PPP2R5C: variants seen among roughly 807,000 people sequenced by gnomAD.
PPP2R5C encodes the protein protein phosphatase 2 regulatory subunit B'gamma.
A neutral mutation model predicts 68.9 loss-of-function variants in PPP2R5C; 7 were observed. The ratio of observed to expected loss-of-function variants is 0.10; its 90% CI spans 0.06 to 0.19. PPP2R5C has a LOEUF of 0.19. Among genes scored for constraint, PPP2R5C ranks in the 10% least tolerant of loss-of-function variants. The pLI is 1.00. For missense variants in PPP2R5C, 348 were observed against 641.3 expected, an observed-to-expected ratio of 0.54 and a Z score of 4.94; for synonymous variants, 210 against 222.2, an observed-to-expected ratio of 0.95 and a Z score of 0.49.
intron 1 of PPP2R5C, among the ~76,000 whole-genome samples, chr14:101,830,129 T>A (rs538689209): frequency 2.0e-5 from 3 of 152,318 alleles, no homozygotes; most frequent in Admixed American, 2.0e-4. Context: ...TAGATCTAAA[T>A]AATTCCTAGA....
chr14:101,866,739 G>T (rs1393398238), intron 2 of PPP2R5C, among the ~76,000 whole-genome samples: 3 of 152,074 alleles, frequency 2.0e-5, no homozygotes, highest in African/African-American at 7.2e-5. Flanking sequence ...GGTGTCTTTG[G>T]GTGGTATCAT....
Position 101,906,889 on chromosome 14 carries a change from A to C in PPP2R5C, c.1151+360A>C, listed in dbSNP as rs151069590. 6.6e-6 allele frequency among the ~76,000 whole-genome samples: 1 copy of C among 152,080 alleles called. No homozygotes were observed. Among genetic ancestry groups the C allele is most frequent in the Non-Finnish European group, 1.5e-5 (1 of 67,996 alleles). ...TGGCCACTGCATTCTCGGGGTGTCT[A>C]TTGAGCTCTGCTGACATGCACCCTG... On this transcript the variant is annotated intron_variant, in intron 10 of 13. Coordinates refer to ENST00000334743, the Ensembl canonical transcript of PPP2R5C. This position sits in a 1 kb window ranked among gnomAD's most constrained non-coding sequence, Gnocchi z 4.0.
At chr14:101,905,978 C>A (rs1404403324) in intron 9 of PPP2R5C, among the ~76,000 whole-genome samples, 1 of 152,222 alleles carries the variant, frequency 6.6e-6, no homozygotes, top group Non-Finnish European at 1.5e-5. Flanking sequence ...GTCTCCTCCC[C>A]ACTAGAATGT....
intron 10 of PPP2R5C, among the ~76,000 whole-genome samples, chr14:101,908,586 C>G (rs536474639): frequency 6.6e-6 from 1 of 152,126 alleles, no homozygotes; most frequent in African/African-American, 2.4e-5. Context: ...GTTGGCCAGG[C>G]TGGTCTTGAA....
chr14:101,801,278 G>A (rs1292910947), intron 3 of PPP2R5C, among the ~76,000 whole-genome samples: 1 of 152,132 alleles, frequency 6.6e-6, no homozygotes, highest in East Asian at 1.9e-4. Flanking sequence ...ACTCTGACCT[G>A]GTCATTACAC....
At chr14:101,770,229 G>A (rs1385061890) in intron 2 of PPP2R5C, among the ~76,000 whole-genome samples, 1 of 152,204 alleles carries the variant, frequency 6.6e-6, no homozygotes, top group Non-Finnish European at 1.5e-5. Context: ...TTTCTCAGTA[G>A]AGCATAGCTA....
chr14:101,806,826 G>T (rs113116598), upstream of PPP2R5C, among the ~76,000 whole-genome samples: 10 of 152,122 alleles, frequency 6.6e-5, no homozygotes, highest in Non-Finnish European at 1.3e-4. Flanking sequence ...AGCAGTTGTG[G>T]TGATTCAAGC....
chr14:101,841,516 C>T (rs76596910), intron 1 of PPP2R5C, among the ~76,000 whole-genome samples: 3 of 152,186 alleles, frequency 2.0e-5, no homozygotes, highest in East Asian at 3.9e-4. Context: ...GGGGCCGGCT[C>T]GTTCCGTGTC....
At chr14:101,770,509 G>T (rs940843800) in intron 2 of PPP2R5C, among the ~76,000 whole-genome samples, 1 of 152,130 alleles carries the variant, frequency 6.6e-6, no homozygotes, top group Admixed American at 6.5e-5. Flanking sequence ...TGGAGCTTTG[G>T]GTGAGAAAAT....
intron 2 of PPP2R5C, among the ~76,000 whole-genome samples, chr14:101,881,101 A>G (rs913955630): frequency 6.2e-4 from 94 of 152,212 alleles, no homozygotes; most frequent in African/African-American, 2.2e-3. Context: ...ACTTAGTATA[A>G]AAGAGGGTTG....
At chr14:101,847,940 G>A (rs1482640576) in intron 1 of PPP2R5C, among the ~76,000 whole-genome samples, 2 of 151,918 alleles carry the variant, frequency 1.3e-5, no homozygotes, top group Admixed American at 6.6e-5. Context: ...GGATTACTGC[G>A]CCACTGTGCC....
chr14:101,827,373 T>C (rs1294379660), intron 1 of PPP2R5C, among the ~76,000 whole-genome samples: 1 of 152,184 alleles, frequency 6.6e-6, no homozygotes, highest in Admixed American at 6.5e-5. Flanking sequence ...CCAGAATGCA[T>C]ACCCCAGCAT....
At position 101,836,174 on chromosome 14, in the gene PPP2R5C, G is replaced by A. The variant is rs537568499; in HGVS notation, c.95-20512G>A. The stretch of plus-strand genomic sequence containing the variant: ...AAAGGTTTTTTTTTTTGCAGTTGAG[G>A]CTGTGAAGCTGGGCAGGGTTTCAGC... On this transcript the variant is annotated intron_variant, in intron 1 of 13. Coordinates refer to ENST00000334743, the Ensembl canonical transcript of PPP2R5C. The A allele has an allele frequency of 5.5e-4, 388 of 700,922 alleles. 1 individual carries two copies. In the African/African-American group the frequency reaches 5.7e-3, roughly 10 times the overall value. The allele number at this position is 700,922 out of a possible 1,614,324, so 43.4% of individuals were successfully genotyped here.
chr14:101,772,168 A>C (rs182212362), intron 2 of PPP2R5C, among the ~76,000 whole-genome samples: 1 of 152,328 alleles, frequency 6.6e-6, no homozygotes, highest in East Asian at 1.9e-4. Flanking sequence ...AATCTTCTTA[A>C]TATGAAATAT....
intron 6 of PPP2R5C, among the ~76,000 whole-genome samples, chr14:101,892,289 C>T (rs1171000941): frequency 6.6e-6 from 1 of 151,288 alleles, no homozygotes; most frequent in Non-Finnish European, 1.5e-5. Flanking sequence ...ATCCAGCATC[C>T]ACTGGGTCTC....
chr14:101,905,583 G>A (rs1366702588), intron 9 of PPP2R5C, among the ~76,000 whole-genome samples: 2 of 151,950 alleles, frequency 1.3e-5, no homozygotes, highest in Non-Finnish European at 2.9e-5. Context: ...CTTGAACCCG[G>A]GAGGCAGAGG....
At chr14:101,819,783 G>A (rs531959646) in intron 1 of PPP2R5C, 26 of 152,400 alleles carry the variant, frequency 1.7e-4, no homozygotes, top group African/African-American at 6.3e-4. Flanking sequence ...ACCCAGCGTG[G>A]TTTTTTGTTG....
chr14:101,834,955 C>G (rs1475541329), intron 1 of PPP2R5C, among the ~76,000 whole-genome samples: 1 of 152,200 alleles, frequency 6.6e-6, no homozygotes. Flanking sequence ...TAGCTTTGCT[C>G]CACCTACTTG....
chr14:101,840,371 C>T (rs2041386270), intron 1 of PPP2R5C, among the ~76,000 whole-genome samples: 1 of 149,752 alleles, frequency 6.7e-6, no homozygotes, highest in African/African-American at 2.5e-5. Context: ...CAGCTGGTCA[C>T]GGCTAGTTAA....
Sources: allele counts gnomAD v4.1 joint callset (sites outside exome capture counted in the v4.1 genomes callset), GRCh38; gene constraint gnomAD v4.1.1; non-coding constraint Gnocchi (gnomAD v3.1); transcripts MANE v1.5; gene names NCBI Gene and HGNC (gene_info 2026-07-23, HGNC 2026-07-21).